Variants in MROH2B observed in about 807,000 individuals in gnomAD.
The protein encoded by MROH2B is maestro heat like repeat family member 2B.
MROH2B carries 177 observed loss-of-function variants against 208.6 expected under a neutral mutation model. The ratio of observed to expected loss-of-function variants is 0.85; its 90% CI spans 0.75 to 0.96. The LOEUF is 0.96. Ranked by LOEUF, MROH2B falls within the 40% of genes least tolerant of loss-of-function variation. The pLI is 0.00. For synonymous variants in MROH2B, 728 were observed against 659.0 expected (o/e 1.10, Z -1.60); for missense variants, 2,002 against 1,878.7 (o/e 1.07, Z -1.21).
At chr5:41,029,994 A>C (rs1195371349) in intron 24 of MROH2B, among the ~76,000 whole-genome samples, 1 of 152,174 alleles carries the variant, frequency 6.6e-6, no homozygotes, top group Admixed American at 6.6e-5. Context: ...TGTGCATCAA[A>C]GGATATAATC....
At position 41,004,489 on chromosome 5, in the gene MROH2B, T is replaced by C. The variant is rs374590427; in HGVS notation, c.4051A>G (p.Arg1351Gly). ...HKQLMLESII[R>G]GLYHLARTEV... is the part of the protein sequence containing the mutation. ...GTGCGAGCTAGGTGATACAGGCCTCTGATGATAGATTCTAGCATTAACTGC... is the reference window on the plus strand; with the variant it reads ...GTGCGAGCTAGGTGATACAGGCCTCCGATGATAGATTCTAGCATTAACTGC... The change falls in exon 37 of 42, where the codon AGA (arginine) becomes GGA (glycine). Residue 1351 changes from arginine to glycine, a missense_variant. Transcript: ENST00000399564. The C allele has an allele frequency of 4.0e-5, 65 of 1,612,970 alleles. No individual in the cohort carries two copies. Among genetic ancestry groups the C allele is most frequent in the Non-Finnish European group, 5.3e-5 (62 of 1,179,694 alleles).
chr5:41,038,557 T>A (rs1404149732), intron 21 of MROH2B, among the ~76,000 whole-genome samples, 179 bp downstream of exon 21: 1 of 152,198 alleles, frequency 6.6e-6, no homozygotes, highest in African/African-American at 2.4e-5. Context: ...AAAACACGTT[T>A]TATTCTTTTT....
chr5:41,065,634 C>T (rs540629167), intron 3 of MROH2B, 144 bp from the exon 4 acceptor site: 629 of 644,086 alleles, frequency 9.8e-4, no homozygotes, highest in Non-Finnish European at 1.5e-3. Flanking sequence ...GCAGGTTGGT[C>T]ACATGGTTCA....
At chr5:41,044,649 G>C (rs535796497) in intron 18 of MROH2B, among the ~76,000 whole-genome samples, 3 of 152,234 alleles carry the variant, frequency 2.0e-5, no homozygotes, top group Admixed American at 6.5e-5. Context: ...AATGTGTGTT[G>C]GCAGGTTTGG....
rs1429936970 is a variant in MROH2B, at chr5:40,999,672, C to T, written c.4585+5G>A. On this transcript the variant is annotated splice_donor_5th_base_variant and intron_variant, in intron 40 of 41. Coordinates refer to ENST00000399564, the MANE Select transcript of MROH2B (RefSeq NM_173489.5). ...TCTGGGTAGGAAATGGGGATGTGTA[C>T]TCACCTGTGAGTTTGACAGCTGCAC... 1 of 1,609,006 alleles carries T rather than the reference C, an allele frequency of 6.2e-7. No individual in the cohort carries two copies. Among genetic ancestry groups the T allele is most frequent in the Non-Finnish European group, 8.5e-7 (1 of 1,176,530 alleles).
chr5:41,042,267 A>AAAGTGGAAAG, intron 18 of MROH2B, 59 bp from the exon 19 acceptor site: 1 of 1,022,216 alleles, frequency 9.8e-7, no homozygotes, highest in Non-Finnish European at 1.5e-6. Context: ...ACTCTGATGA[A>AAAGTGGAAAG]AAGTGGAAAG....
At chr5:41,056,987 A>G in intron 9 of MROH2B, 122 bp downstream of exon 9, 1 of 1,001,052 alleles carries the variant, frequency 1.0e-6, no homozygotes, top group South Asian at 1.4e-5. Flanking sequence ...GAGCTAAAGA[A>G]ACAGTGTGTG....
rs535880016 is a variant in MROH2B, at chr5:41,004,809, C to T, written c.3976G>A (p.Gly1326Arg). Residue 1326 changes from glycine to arginine, a missense_variant, in exon 36 of 42, where the codon GGG becomes AGG. By Grantham distance (125) the Gly-to-Arg change is moderately radical. Transcript: ENST00000399564. Reference sequence around the variant, plus strand: ...GCCCCGGATGCTGTGTTGCCGAGCCCTCGGATGGCCATCTGCCTCAGAGTG... The same window carrying T: ...GCCCCGGATGCTGTGTTGCCGAGCCTTCGGATGGCCATCTGCCTCAGAGTG... Reference protein sequence around the residue: ...NATLRQMAIRGLGNTASGAPH... With the variant: ...NATLRQMAIRRLGNTASGAPH... The T allele has an allele frequency of 3.1e-5, 50 of 1,613,886 alleles. No homozygotes were observed. The highest frequency in any genetic ancestry group is 4.0e-5 in the Non-Finnish European group (47 of 1,179,894).
At chr5:41,025,276 A>G (rs1742310609) in intron 24 of MROH2B, among the ~76,000 whole-genome samples, 1 of 152,172 alleles carries the variant, frequency 6.6e-6, no homozygotes, top group Non-Finnish European at 1.5e-5. Flanking sequence ...AACAAAATTG[A>G]CAGACCACTA....
intron 24 of MROH2B, among the ~76,000 whole-genome samples, chr5:41,028,045 G>A (rs182731): frequency 0.15 from 23,027 of 151,914 alleles, 1,832 homozygotes; most frequent in East Asian, 0.26. Context: ...TCGTGGGGTG[G>A]GGGGATGGGG....
chr5:41,065,436 G>C lies in MROH2B; in HGVS notation c.256C>G (p.His86Asp), dbSNP rs778346566. The change falls in exon 4 of 42, where the codon CAT (histidine) becomes GAT (aspartate). Residue 86 changes from histidine to aspartate, a missense_variant. Coordinates refer to ENST00000399564, the MANE Select transcript of MROH2B (RefSeq NM_173489.5). ...TCATACATCACAGAGTTGAAATCATGTGCAGCAAGAGACACCAAAACCTCA... is the reference window on the plus strand; with the variant it reads ...TCATACATCACAGAGTTGAAATCATCTGCAGCAAGAGACACCAAAACCTCA... Reference protein sequence around the residue: ...AGEVLVSLAAHDFNSVMYEVQ... With the variant: ...AGEVLVSLAADDFNSVMYEVQ... 2 of 1,613,364 alleles carry C rather than the reference G, an allele frequency of 1.2e-6. No individual in the cohort carries two copies. The highest frequency in any genetic ancestry group is 2.2e-5 in the South Asian group (2 of 91,056).
rs1741558568 is a variant in MROH2B at position 41,005,541 on chromosome 5, A to G, written c.3854T>C (p.Phe1285Ser). The G allele has an allele frequency of 4.4e-6, 7 of 1,600,914 alleles. No homozygotes were observed. The highest frequency in any genetic ancestry group is 4.5e-5 in the East Asian group (2 of 44,340). The stretch of plus-strand genomic sequence containing the variant: ...GCTGTTCTCCCTTGCCTCAGAGAAG[A>G]AAGCTGCGCCGGTTATCCGGTAGTT... ...SENYRITGAA[F>S]FSELMKEPIL... The change falls in exon 35 of 42, where the codon TTC becomes TCC. Residue 1285 changes from phenylalanine (F) to serine (S), a missense_variant. Transcript: ENST00000399564.
chr5:41,070,724 C>A, intron 1 of MROH2B, 101 bp downstream of exon 1: 1 of 1,206,716 alleles, frequency 8.3e-7, no homozygotes, highest in Non-Finnish European at 1.2e-6. Context: ...TACAGTCCTC[C>A]CACAATGACG....
intron 11 of MROH2B, among the ~76,000 whole-genome samples, chr5:41,053,486 G>A (rs1743345300): frequency 6.6e-6 from 1 of 152,088 alleles, no homozygotes; most frequent in Non-Finnish European, 1.5e-5. Context: ...TGTTTATTGT[G>A]TTGCTTCTCT....
intron 5 of MROH2B, 120 bp downstream of exon 5, chr5:41,064,352 C>A: frequency 1.4e-6 from 1 of 738,050 alleles, no homozygotes; most frequent in Non-Finnish European, 2.2e-6. Context: ...CAATAAGTGG[C>A]AGCTATTATT....
At chr5:41,065,625 C>T (rs1743785270) in intron 3 of MROH2B, 135 bp from the exon 4 acceptor site, 1 of 718,544 alleles carries the variant, frequency 1.4e-6, no homozygotes. Flanking sequence ...GGTACATGTG[C>T]AGGTTGGTCA....
Position 41,033,807 on chromosome 5 carries a change from ATCTATCTATCTATC to A in MROH2B, c.2241+17_2241+30del, listed in dbSNP as rs143823987. ...TATCTATCTATCTATCTATCTATCT[ATCTATCTATCTATC>A]TATCTATCTCTCCTACCTTGTTCAT... is the stretch of plus-strand genomic sequence containing the variant. On this transcript the variant is annotated intron_variant, in intron 22 of 41. Transcript: ENST00000399564. 190,481 of 1,353,766 alleles carry A rather than the reference ATCTATCTATCTATC, an allele frequency of 0.14. 18,454 individuals carry two copies. Among genetic ancestry groups the A allele is most frequent in the East Asian group, 0.28 (11,268 of 39,978 alleles). 83.9% of individuals were successfully genotyped at this position (1,353,766 alleles called of 1,614,324 possible).
In MROH2B at chr5:41,015,497, G is replaced by C. The variant is rs755951301; in HGVS notation, c.2885-19C>G. The C allele has an allele frequency of 5.6e-6, 9 of 1,611,218 alleles. No homozygotes were observed. The South Asian group carries it at 8.8e-5, about 16-fold the overall frequency. ...TGAATGCCTAAAATCAACAAAGTGA[G>C]AAATGTTTAAGTGTTCAAAGACCTG... On this transcript the variant is annotated intron_variant, in intron 28 of 41. Coordinates refer to ENST00000399564, the MANE Select transcript of MROH2B (RefSeq NM_173489.5).
At position 41,057,035 on chromosome 5, in the gene MROH2B, G is replaced by T. The variant is rs1248627140; in HGVS notation, c.919+74C>A. On this transcript the variant is annotated intron_variant, in intron 9 of 41. Coordinates refer to ENST00000399564, the MANE Select transcript of MROH2B (RefSeq NM_173489.5). ...TGAAAGTAAGTTAATGTGACAGTTT[G>T]CCCTCCTTTTACCATTGTCATCATC... 3 of 1,402,988 alleles carry T rather than the reference G, an allele frequency of 2.1e-6. No homozygotes were observed. In the Admixed American group the frequency reaches 5.3e-5, roughly 25 times the overall value. The allele number at this position is 1,402,988 out of a possible 1,614,324, so 86.9% of individuals were successfully genotyped here. A position where few individuals can be genotyped will look rare whatever the true frequency, so the allele number is the denominator to read the frequency against.
Sources: allele counts gnomAD v4.1 joint callset (sites outside exome capture counted in the v4.1 genomes callset), GRCh38; gene constraint gnomAD v4.1.1; transcripts MANE v1.5; gene names NCBI Gene and HGNC (gene_info 2026-07-23, HGNC 2026-07-21).